MAST3: variants seen among roughly 807,000 people sequenced by gnomAD.
The protein encoded by MAST3 is microtubule associated serine/threonine kinase 3.
A neutral mutation model predicts 127.0 loss-of-function variants in MAST3; 43 were observed. That is an observed-to-expected ratio of 0.34 (90% confidence interval 0.27 to 0.44). The LOEUF (loss-of-function observed/expected upper bound fraction) is 0.44. Ranked by LOEUF, MAST3 falls within the 20% of genes least tolerant of loss-of-function variation. MAST3 has a pLI of 1.00. For synonymous variants in MAST3, 785 were observed against 809.2 expected (o/e 0.97, Z 0.51); for missense variants, 1,390 against 1,919.1 (o/e 0.72, Z 5.15).
chr19:18,131,866 G>A (rs937992819), intron 14 of MAST3, 43 bp from the exon 15 acceptor site: 26 of 1,487,300 alleles, frequency 1.7e-5, no homozygotes, highest in East Asian at 2.5e-5. Context: ...GGCGGGGGGC[G>A]GGGGTGCCCC....
At chr19:18,139,223 T>C in intron 20 of MAST3, 99 bp downstream of exon 20, 1 of 919,362 alleles carries the variant, frequency 1.1e-6, no homozygotes, top group Non-Finnish European at 1.7e-6. Flanking sequence ...TTTTGTTCTG[T>C]AGAGATGAGG....
At position 18,130,847 on chromosome 19, in the gene MAST3, T is replaced by A. The variant is rs2041199354; in HGVS notation, c.1432+145T>A. 3.7e-6 allele frequency: 3 copies of A among 821,348 alleles called. No individual in the cohort carries two copies. In the East Asian group the frequency reaches 8.1e-5, roughly 22 times the overall value. 50.9% of individuals were successfully genotyped at this position (821,348 alleles called of 1,614,324 possible). ...TGGGGAACCCTCAGGAACCCCAGTC[T>A]GGGGTAGGGAGCCCAGCCATGGGGG... On this transcript the variant is annotated intron_variant, in intron 14 of 27. Transcript: ENST00000687212.
At chr19:18,098,407 G>A (rs1401534409) in intron 1 of MAST3, among the ~76,000 whole-genome samples, 1 of 152,146 alleles carries the variant, frequency 6.6e-6, no homozygotes, top group African/African-American at 2.4e-5. Context: ...TACGGCACAA[G>A]GCGCTGCCAA....
Position 18,144,019 on chromosome 19 carries a change from C to T in MAST3, c.2584+12C>T. On this transcript the variant is annotated intron_variant, in intron 22 of 27. Transcript: ENST00000687212. The surrounding 1 kb of genome is among the most constrained non-coding windows in gnomAD (Gnocchi z 4.0). ...CTCGAGCCTTTCTGGTAAGTGGGGC[C>T]CTGAGTAAGAGGGATGATGTCATGG... The T allele has an allele frequency of 6.4e-7, 1 of 1,554,482 alleles. No individual in the cohort carries two copies. The highest frequency in any genetic ancestry group is 8.7e-7 in the Non-Finnish European group (1 of 1,148,852).
chr19:18,148,093 G>C (rs1300816436), intron 27 of MAST3, among the ~76,000 whole-genome samples: 2 of 152,128 alleles, frequency 1.3e-5, no homozygotes. Context: ...CCTGAGGTCG[G>C]GAGTTCAAGA....
At chr19:18,143,355 C>T (rs769274977) in intron 21 of MAST3, among the ~76,000 whole-genome samples, 13 of 152,146 alleles carry the variant, frequency 8.5e-5, no homozygotes, top group Non-Finnish European at 1.3e-4. Flanking sequence ...GCAGGCAGGT[C>T]ACTTGAGCTC....
intron 3 of MAST3, chr19:18,117,952 CA>C (rs2039471675): frequency 4.8e-6 from 1 of 207,652 alleles, no homozygotes; most frequent in African/African-American, 2.4e-5. Context: ...CGCCTCCCGA[CA>C]GGCCCCGCCC....
chr19:18,146,897 C>T lies in MAST3; in HGVS notation c.3179C>T (p.Ser1060Phe). 6.4e-7 allele frequency: 1 copy of T among 1,555,420 alleles called. No homozygotes were observed. The highest frequency in any genetic ancestry group is 8.7e-7 in the Non-Finnish European group (1 of 1,149,154). ...CTCCCGCAGAGCGGCAACAAGATAT[C>T]CCTGCGGACCACAGCCCTGGAGAAC... Reference protein sequence around the residue: ...ELLLKSGNKISLRTTALENTS... With the variant: ...ELLLKSGNKIFLRTTALENTS... The change falls in exon 26 of 28, where the codon TCC (serine) becomes TTC (phenylalanine). Residue 1060 changes from serine to phenylalanine, a missense_variant. Ser to Phe is a radical substitution (Grantham distance 155, BLOSUM62 -2). Coordinates refer to ENST00000687212, the MANE Select transcript of MAST3 (RefSeq NM_001393504.1).
At chr19:18,130,355 G>A in intron 13 of MAST3, 139 bp from the exon 14 acceptor site, 1 of 728,028 alleles carries the variant, frequency 1.4e-6, no homozygotes, top group Admixed American at 2.4e-5. Flanking sequence ...GGGGGAACAG[G>A]TAAGGAGAAT....
Position 18,144,014 on chromosome 19 carries a change from G to A in MAST3, c.2584+7G>A. 2 of 1,556,238 alleles carry A rather than the reference G, an allele frequency of 1.3e-6. No individual in the cohort carries two copies. Among genetic ancestry groups the A allele is most frequent in the Non-Finnish European group, 1.7e-6 (2 of 1,149,728 alleles). On this transcript the variant is annotated splice_region_variant and intron_variant, in intron 22 of 27. Coordinates refer to ENST00000687212, the MANE Select transcript of MAST3 (RefSeq NM_001393504.1). The surrounding 1 kb of genome is among the most constrained non-coding windows in gnomAD (Gnocchi z 4.0). ...AAGCCCTCGAGCCTTTCTGGTAAGT[G>A]GGGCCCTGAGTAAGAGGGATGATGT...
intron 19 of MAST3, 44 bp from the exon 20 acceptor site, chr19:18,138,971 T>C (rs1239011619): frequency 2.3e-6 from 3 of 1,316,406 alleles, no homozygotes; most frequent in Non-Finnish European, 3.2e-6. Flanking sequence ...CTTGAGATCA[T>C]CTCTGGGCAT....
chr19:18,149,813 G>T lies in MAST3; in HGVS notation c.*87G>T. ...GTAAAGTCATGCCTGGATGGGGACT[G>T]AGCCACCAGCCTGACACCCAGAAGG... On this transcript the variant is annotated 3_prime_UTR_variant, in exon 28 of 28. Coordinates refer to ENST00000687212, the MANE Select transcript of MAST3 (RefSeq NM_001393504.1). The surrounding 1 kb of genome is among the most constrained non-coding windows in gnomAD (Gnocchi z 5.9). The T allele has an allele frequency of 6.4e-7, 1 of 1,557,872 alleles. No individual in the cohort carries two copies.
At chr19:18,142,150 T>A (rs975247792) in intron 21 of MAST3, 135 bp downstream of exon 21, 6 of 989,032 alleles carry the variant, frequency 6.1e-6, no homozygotes, top group Non-Finnish European at 8.0e-6. Flanking sequence ...GCCTATCAGG[T>A]CCCTGGCAAC....
At chr19:18,123,545 G>A in intron 7 of MAST3, 35 bp from the exon 8 acceptor site, 1 of 1,506,912 alleles carries the variant, frequency 6.6e-7, no homozygotes, top group Non-Finnish European at 8.9e-7. Flanking sequence ...GTTGGTCTCA[G>A]GTCCCATATC....
chr19:18,098,206 A>G (rs2037168061), intron 1 of MAST3, among the ~76,000 whole-genome samples: 1 of 152,076 alleles, frequency 6.6e-6, no homozygotes, highest in African/African-American at 2.4e-5. Flanking sequence ...ATGAGTTCAT[A>G]TGTATTAATA....
chr19:18,118,126 C>T (rs2039512338), intron 3 of MAST3: 12 of 985,324 alleles, frequency 1.2e-5, no homozygotes, highest in Non-Finnish European at 1.3e-5. Context: ...GGCCTCCCTT[C>T]CCGGCCTCGG....
Position 18,144,986 on chromosome 19 carries a change from T to A in MAST3, c.2813-17T>A. 8.0e-7 allele frequency: 1 copy of A among 1,253,932 alleles called. No individual in the cohort carries two copies. The highest frequency in any genetic ancestry group is 1.2e-6 in the Non-Finnish European group (1 of 867,100). The allele number at this position is 1,253,932 out of a possible 1,614,324, so 77.7% of individuals were successfully genotyped here. A position where few individuals can be genotyped will look rare whatever the true frequency, so the allele number is the denominator to read the frequency against. On this transcript the variant is annotated splice_polypyrimidine_tract_variant and intron_variant, in intron 23 of 27. Transcript: ENST00000687212. The surrounding 1 kb of genome is among the most constrained non-coding windows in gnomAD (Gnocchi z 4.0). ...ACCTGTGAGGGAGTGAGTGACCCCCTCCCTAACCCCCTGCAGATGATGGCA... is the reference window on the plus strand; with the variant it reads ...ACCTGTGAGGGAGTGAGTGACCCCCACCCTAACCCCCTGCAGATGATGGCA...
At chr19:18,121,346 G>A (rs536700248) in intron 3 of MAST3, among the ~76,000 whole-genome samples, 4 of 151,996 alleles carry the variant, frequency 2.6e-5, no homozygotes, top group Middle Eastern at 3.4e-3. Flanking sequence ...GTATAGAGAC[G>A]GGGTCTTGCT....
chr19:18,147,702 T>C (rs1566029), intron 27 of MAST3, 78 bp downstream of exon 27: 551,187 of 1,027,868 alleles, frequency 0.54, 150,740 homozygotes, highest in East Asian at 0.76. Context: ...GAGGAAGGAG[T>C]TCAGGGGATG....
Sources: allele counts gnomAD v4.1 joint callset (sites outside exome capture counted in the v4.1 genomes callset), GRCh38; gene constraint gnomAD v4.1.1; non-coding constraint Gnocchi (gnomAD v3.1); transcripts MANE v1.5; gene names NCBI Gene and HGNC (gene_info 2026-07-23, HGNC 2026-07-21).